MAPRE2: variants seen among roughly 807,000 people sequenced by gnomAD.
The protein encoded by MAPRE2 is microtubule associated protein RP/EB family member 2.
A neutral mutation model predicts 43.2 loss-of-function variants in MAPRE2; 13 were observed. That is an observed-to-expected ratio of 0.30 (90% CI 0.20 to 0.48). The LOEUF is 0.48. MAPRE2 is among the 20% of genes least tolerant of loss of function. The pLI is 0.99. For missense variants in MAPRE2, 161 were observed against 400.2 expected (o/e 0.40, Z 5.10); for synonymous variants, 135 against 148.8 (o/e 0.91, Z 0.68).
intron 4 of MAPRE2, among the ~76,000 whole-genome samples, chr18:35,109,962 T>C (rs1316656046): frequency 6.6e-6 from 1 of 152,174 alleles, no homozygotes; most frequent in African/African-American, 2.4e-5. Flanking sequence ...TCTATTTTAA[T>C]TTACTTACCG....
intron 4 of MAPRE2, among the ~76,000 whole-genome samples, chr18:35,118,886 C>G (rs981608119): frequency 6.6e-6 from 1 of 152,160 alleles, no homozygotes; most frequent in South Asian, 2.1e-4. Context: ...CTGGCCTGCT[C>G]TGCTCCTGGC....
At chr18:35,042,107 C>T in intron 1 of MAPRE2, among the ~76,000 whole-genome samples, 1 of 152,174 alleles carries the variant, frequency 6.6e-6, no homozygotes, top group East Asian at 1.9e-4. Context: ...ATGGAATCCT[C>T]TAGATTAAGC....
intron 1 of MAPRE2, among the ~76,000 whole-genome samples, chr18:34,980,089 C>G (rs75147201): frequency 1.4e-5 from 2 of 139,608 alleles, no homozygotes; most frequent in African/African-American, 5.5e-5. Context: ...CAGGCTGGCA[C>G]GATTTCGGCT....
rs1910697379 is a variant in MAPRE2 at position 35,142,389 on chromosome 18, A to G, written c.*2020A>G. The G allele has an allele frequency of 6.6e-6, 1 of 152,284 alleles. No homozygotes were observed. Among genetic ancestry groups the G allele is most frequent in the South Asian group, 2.1e-4 (1 of 4,832 alleles). 9.4% of individuals were successfully genotyped at this position (152,284 alleles called of 1,614,324 possible). ...AGTGGATCATGACCAAACTCCTGTC[A>G]TGTGGATGCACGTGAGTGGGTAGCA... On this transcript the variant is annotated 3_prime_UTR_variant, in exon 7 of 7. Transcript: ENST00000300249.
chr18:35,085,794 G>A (rs778738163), intron 2 of MAPRE2, among the ~76,000 whole-genome samples: 2 of 152,162 alleles, frequency 1.3e-5, no homozygotes, highest in Non-Finnish European at 2.9e-5. Flanking sequence ...CTGACGTTTT[G>A]CACATAAGAA....
intron 3 of MAPRE2, among the ~76,000 whole-genome samples, chr18:35,101,633 T>C (rs1196986156): frequency 6.6e-6 from 1 of 152,210 alleles, no homozygotes; most frequent in East Asian, 1.9e-4. Context: ...AGTGAAAATG[T>C]GTGATGTTTG....
chr18:35,106,496 A>G (rs1456829812), intron 4 of MAPRE2, among the ~76,000 whole-genome samples: 5 of 152,052 alleles, frequency 3.3e-5, no homozygotes, highest in African/African-American at 1.2e-4. Context: ...CATTAGCAAG[A>G]AAAAAAATTG....
chr18:35,018,657 G>A (rs1218133102), intron 2 of MAPRE2, among the ~76,000 whole-genome samples: 3 of 151,372 alleles, frequency 2.0e-5, no homozygotes, highest in Non-Finnish European at 4.4e-5. Context: ...TATTTCTCTG[G>A]GGTCAGTTGT....
intron 4 of MAPRE2, among the ~76,000 whole-genome samples, chr18:35,109,739 A>T (rs945110653): frequency 5.9e-5 from 9 of 152,178 alleles, no homozygotes; most frequent in African/African-American, 9.7e-5. Flanking sequence ...GACAGCATGT[A>T]ATCAGGTCTT....
At chr18:35,080,570 C>T (rs1603398774) in intron 2 of MAPRE2, among the ~76,000 whole-genome samples, 1 of 152,336 alleles carries the variant, frequency 6.6e-6, no homozygotes, top group Non-Finnish European at 1.5e-5. Context: ...GGTTTCTACA[C>T]AGTTAAGATA....
rs975898727 is a variant in MAPRE2, at chr18:35,142,024, CTG to C, written c.*1658_*1659del. Reference sequence around the variant, plus strand: ...GTATTTTTCAGATTATTACAACACACTGTGCAGAATTAGACAGATGTTCCGTG... The same window carrying C: ...GTATTTTTCAGATTATTACAACACACTGCAGAATTAGACAGATGTTCCGTG... On this transcript the variant is annotated 3_prime_UTR_variant, in exon 7 of 7. Transcript: ENST00000300249. 16 of 152,224 alleles carry C rather than the reference CTG, an allele frequency of 1.1e-4. No individual in the cohort carries two copies. The highest frequency in any genetic ancestry group is 3.6e-4 in the African/African-American group (15 of 41,464). 9.4% of individuals were successfully genotyped at this position (152,224 alleles called of 1,614,324 possible). A position where few individuals can be genotyped will look rare whatever the true frequency, so the allele number is the denominator to read the frequency against.
intron 1 of MAPRE2, among the ~76,000 whole-genome samples, chr18:35,050,680 G>A (rs1224249104): frequency 6.6e-6 from 1 of 152,128 alleles, no homozygotes; most frequent in African/African-American, 2.4e-5. Flanking sequence ...AACTGAGATT[G>A]CAGGTAATTG....
chr18:35,043,590 A>G (rs1361997112), intron 1 of MAPRE2, among the ~76,000 whole-genome samples: 1 of 152,222 alleles, frequency 6.6e-6, no homozygotes, highest in African/African-American at 2.4e-5. Flanking sequence ...AGTCCCTATA[A>G]TGGCATTCAA....
At chr18:35,071,789 CTT>C (rs1436590037) in intron 2 of MAPRE2, among the ~76,000 whole-genome samples, 1 of 152,198 alleles carries the variant, frequency 6.6e-6, no homozygotes, top group Admixed American at 6.5e-5. Context: ...AGAGCACTAA[CTT>C]TGAGTATGAT....
At chr18:35,041,227 C>T, upstream of MAPRE2, 3 of 970,612 alleles carry the variant, frequency 3.1e-6, no homozygotes, top group Non-Finnish European at 4.2e-6. Context: ...GTAGGCCTGC[C>T]CCGGTGCCTG....
In MAPRE2 at chr18:35,119,166, C is replaced by T. The variant is rs555999097; in HGVS notation, c.611-7782C>T. Among the ~76,000 whole-genome samples the T allele has an allele frequency of 9.9e-5, 15 of 152,240 alleles. No homozygotes were observed. The South Asian group carries it at 1.5e-3, about 15-fold the overall frequency. On this transcript the variant is annotated intron_variant, in intron 4 of 6. Transcript: ENST00000300249. ...GACTCCCAGCAAGAGGGGCACCTGGCGCTGCCCTGCTGGTGCTTGGTGTTC... is the reference window on the plus strand; with the variant it reads ...GACTCCCAGCAAGAGGGGCACCTGGTGCTGCCCTGCTGGTGCTTGGTGTTC...
At chr18:35,116,954 C>T (rs1909439101) in intron 4 of MAPRE2, among the ~76,000 whole-genome samples, 1 of 152,130 alleles carries the variant, frequency 6.6e-6, no homozygotes, top group Admixed American at 6.6e-5. Context: ...AAAGTTTAAG[C>T]AGAAGCATGC....
intron 4 of MAPRE2, among the ~76,000 whole-genome samples, chr18:35,119,158 G>A (rs1909559573): frequency 6.6e-6 from 1 of 152,154 alleles, no homozygotes; most frequent in Middle Eastern, 3.2e-3. Flanking sequence ...AGCAAGAGGG[G>A]CACCTGGCGC....
chr18:35,064,496 A>G (rs568018410), intron 1 of MAPRE2, among the ~76,000 whole-genome samples: 2 of 152,332 alleles, frequency 1.3e-5, no homozygotes, highest in South Asian at 2.1e-4. Flanking sequence ...AATTTCAGTT[A>G]ACACTCATAA....
Sources: gnomAD v4.1 joint callset for allele counts (sites outside exome capture counted in the v4.1 genomes callset) on GRCh38, gnomAD v4.1.1 for gene constraint, MANE v1.5 for transcripts, NCBI Gene and HGNC (gene_info 2026-07-23, HGNC 2026-07-21) for gene names.